METAP2: variants seen among roughly 807,000 people sequenced by gnomAD.
METAP2 encodes the protein methionyl aminopeptidase 2, also known as methionine aminopeptidase 2.
A neutral mutation model predicts 59.4 loss-of-function variants in METAP2; 25 were observed. That is an observed-to-expected ratio of 0.42 (90% CI 0.31 to 0.59). The LOEUF (loss-of-function observed/expected upper bound fraction) is 0.59, where lower values mean the gene tolerates loss of function less well. Ranked by LOEUF, METAP2 falls within the 20% of genes least tolerant of loss-of-function variation. METAP2 has a pLI of 0.16. For synonymous variants in METAP2, 214 were observed against 194.1 expected, an observed-to-expected ratio of 1.10 and a Z score of -0.85; for missense variants, 366 against 581.2, an observed-to-expected ratio of 0.63 and a Z score of 3.81.
Position 95,515,140 on chromosome 12 carries a change from G to T in METAP2, c.*1236G>T, listed in dbSNP as rs2076437829. The T allele has an allele frequency of 6.6e-6, 1 of 152,486 alleles. No homozygotes were observed. The highest frequency in any genetic ancestry group is 6.6e-5 in the Admixed American group (1 of 15,260). 9.4% of individuals were successfully genotyped at this position (152,486 alleles called of 1,614,324 possible). On this transcript the variant is annotated 3_prime_UTR_variant, in exon 11 of 11. Coordinates refer to ENST00000323666, the MANE Select transcript of METAP2 (RefSeq NM_006838.4). ...TGTTTCAGTACAATGAGATTTTATT[G>T]CCTCTGGGATGCTGTTTAGTTTGTA...
intron 8 of METAP2, 98 bp downstream of exon 8, chr12:95,504,259 A>G (rs1234084489): frequency 2.5e-6 from 2 of 787,492 alleles, no homozygotes; most frequent in Non-Finnish European, 4.1e-6. Flanking sequence ...CTATCTTGGT[A>G]ATTCAAGGAA....
rs2140172730 is a variant in METAP2, at chr12:95,515,822, A to C, written c.*1918A>C. On this transcript the variant is annotated 3_prime_UTR_variant, in exon 11 of 11. Transcript: ENST00000323666. ...TGTTTAACAATAGTGCCTTTAGTAA[A>C]TTATTTTACAACTAAAACATGTTGT... 1 of 152,340 alleles carries C rather than the reference A, an allele frequency of 6.6e-6. No individual in the cohort carries two copies. Among genetic ancestry groups the C allele is most frequent in the South Asian group, 2.1e-4 (1 of 4,834 alleles). The allele number at this position is 152,340 out of a possible 1,614,324, so 9.4% of individuals were successfully genotyped here.
At chr12:95,500,437 A>G (rs574467974) in intron 7 of METAP2, among the ~76,000 whole-genome samples, 14 of 152,310 alleles carry the variant, frequency 9.2e-5, no homozygotes, top group South Asian at 6.2e-4. Flanking sequence ...AAAAACGGCA[A>G]AAGTGGATAT....
intron 7 of METAP2, among the ~76,000 whole-genome samples, chr12:95,498,935 A>G (rs959246852): frequency 6.6e-6 from 1 of 151,894 alleles, no homozygotes; most frequent in Non-Finnish European, 1.5e-5. Context: ...GGATCACGTG[A>G]GCCCAGGGAG....
At chr12:95,484,991 A>G (rs1000973250) in intron 3 of METAP2, 2 of 421,920 alleles carry the variant, frequency 4.7e-6, no homozygotes, top group East Asian at 7.0e-5. Flanking sequence ...GCCAAATAAT[A>G]TAATCATGGG....
chr12:95,493,978 T>G (rs1407088021), intron 4 of METAP2, 78 bp from the exon 5 acceptor site: 2 of 1,223,134 alleles, frequency 1.6e-6, no homozygotes, highest in Non-Finnish European at 2.3e-6. Flanking sequence ...TGAACTGTCT[T>G]GTTACTTAGT....
At chr12:95,474,825 G>T (rs1313083780) in intron 1 of METAP2, among the ~76,000 whole-genome samples, 1 of 152,160 alleles carries the variant, frequency 6.6e-6, no homozygotes, top group Non-Finnish European at 1.5e-5. Context: ...TCACGTTGGG[G>T]TTGTTGCAGC....
intron 7 of METAP2, among the ~76,000 whole-genome samples, chr12:95,497,832 A>C (rs1159366045): frequency 6.6e-6 from 1 of 151,694 alleles, no homozygotes; most frequent in Non-Finnish European, 1.5e-5. Context: ...TTTATTTTTT[A>C]ATTAAAAAAT....
At position 95,499,026 on chromosome 12, in the gene METAP2, A is replaced by G. The variant is rs577138723; in HGVS notation, c.867+2928A>G. Among the ~76,000 whole-genome samples, 152 of 152,216 alleles carry G rather than the reference A, an allele frequency of 1.0e-3. 1 individual carries two copies. Among genetic ancestry groups the G allele is most frequent in the African/African-American group, 3.6e-3 (149 of 41,536 alleles). Reference sequence around the variant, plus strand: ...GCAAGACCCTGTCCCAAAAAAAAAAAAAGAAATCATTTGTTTTTGTAAGTG... The same window carrying G: ...GCAAGACCCTGTCCCAAAAAAAAAAGAAGAAATCATTTGTTTTTGTAAGTG... On this transcript the variant is annotated intron_variant, in intron 7 of 10. Coordinates refer to ENST00000323666, the MANE Select transcript of METAP2 (RefSeq NM_006838.4).
At chr12:95,474,441 T>G in intron 1 of METAP2, 111 bp downstream of exon 1, 2 of 1,199,452 alleles carry the variant, frequency 1.7e-6, no homozygotes, top group Non-Finnish European at 2.3e-6. Flanking sequence ...CTAGACTGAT[T>G]CTTGGGCCTG....
intron 3 of METAP2, among the ~76,000 whole-genome samples, chr12:95,485,236 G>A (rs2076187363): frequency 6.6e-6 from 1 of 152,106 alleles, no homozygotes; most frequent in Non-Finnish European, 1.5e-5. Flanking sequence ...GCTAATAAGT[G>A]GTAAAGGCTA....
chr12:95,505,541 A>AGT (rs1476790152), intron 8 of METAP2, among the ~76,000 whole-genome samples: 1 of 151,994 alleles, frequency 6.6e-6, no homozygotes, highest in African/African-American at 2.4e-5. Context: ...GCTGGAGTGC[A>AGT]GTGGCACGAT....
chr12:95,494,119 G>A lies in METAP2; in HGVS notation c.492G>A (p.Glu164=). 3 of 1,614,026 alleles carry A rather than the reference G, an allele frequency of 1.9e-6. No individual in the cohort carries two copies. The highest frequency in any genetic ancestry group is 2.5e-6 in the Non-Finnish European group (3 of 1,179,936). ...EKKALDQASE[E]IWNDFREAAE... is the part of the protein sequence containing the mutation. The stretch of plus-strand genomic sequence containing the variant: ...AAGCATTAGATCAGGCAAGTGAAGA[G>A]ATTTGGAATGATTTTCGAGAAGCTG... Residue 164 remains glutamate, a synonymous_variant, in exon 5 of 11, where the codon GAG becomes GAA. Transcript: ENST00000323666.
chr12:95,484,703 G>C, intron 3 of METAP2: 1 of 360,228 alleles, frequency 2.8e-6, no homozygotes, highest in Non-Finnish European at 5.3e-6. Context: ...ATTTCTTTAT[G>C]AGGTACTCTT....
chr12:95,508,634 A>G (rs916380465), intron 8 of METAP2, among the ~76,000 whole-genome samples: 1 of 152,194 alleles, frequency 6.6e-6, no homozygotes, highest in Non-Finnish European at 1.5e-5. Context: ...AACACTAGCC[A>G]ACATATACCA....
At position 95,504,159 on chromosome 12, in the gene METAP2, A is replaced by G; in HGVS notation, c.962A>G (p.Gln321Arg). The part of the protein sequence containing the change: ...YEVEIDGKTY[Q>R]VKPIRNLNGH... ...GTTGAAATAGATGGGAAGACATATC[A>G]AGGTATGTTCTTTTAAAATATATCT... Residue 321 changes from glutamine (Q) to arginine (R), a missense_variant and splice_region_variant, in exon 8 of 11, where the codon CAA (glutamine) becomes CGA (arginine). This residue lies in a region of METAP2 where 106 missense variants were observed against 221.9 expected (regional missense o/e 0.48). Transcript: ENST00000323666. The G allele has an allele frequency of 6.3e-7, 1 of 1,582,812 alleles. No homozygotes were observed. Among genetic ancestry groups the G allele is most frequent in the Non-Finnish European group, 8.7e-7 (1 of 1,153,046 alleles).
intron 2 of METAP2, among the ~76,000 whole-genome samples, chr12:95,479,156 A>G (rs898940493): frequency 6.6e-6 from 1 of 152,242 alleles, no homozygotes; most frequent in Non-Finnish European, 1.5e-5. Flanking sequence ...GGAAGTGTGT[A>G]GGAAAGGCAA....
At chr12:95,497,242 C>G (rs773612604) in intron 7 of METAP2, among the ~76,000 whole-genome samples, 1 of 152,206 alleles carries the variant, frequency 6.6e-6, no homozygotes, top group African/African-American at 2.4e-5. Context: ...ACTCATTAAA[C>G]AGTAACTCCC....
chr12:95,476,053 C>G lies in METAP2; in HGVS notation c.152-18C>G, dbSNP rs1259095026. The stretch of plus-strand genomic sequence containing the variant: ...GTGTCTGTATTAGATTTGATTTCTG[C>G]TATTTTATTTTGATCAGCAGGGGAA... On this transcript the variant is annotated intron_variant, in intron 1 of 10. Coordinates refer to ENST00000323666, the MANE Select transcript of METAP2 (RefSeq NM_006838.4). 6.8e-7 allele frequency: 1 copy of G among 1,477,418 alleles called. No homozygotes were observed. The highest frequency in any genetic ancestry group is 2.3e-5 in the East Asian group (1 of 43,832). The allele number at this position is 1,477,418 out of a possible 1,614,324, so 91.5% of individuals were successfully genotyped here.
Sources: gnomAD v4.1 joint callset for allele counts (sites outside exome capture counted in the v4.1 genomes callset) on GRCh38, gnomAD v4.1.1 for gene constraint, gnomAD v4.1.1 regional missense constraint, MANE v1.5 for transcripts, NCBI Gene and HGNC (gene_info 2026-07-23, HGNC 2026-07-21) for gene names.